METTL15: variants seen among roughly 807,000 people sequenced by gnomAD.
The protein encoded by METTL15 is methyltransferase 15, mitochondrial 12S rRNA N4-cytidine, also known as 12S rRNA N(4)-cytidine methyltransferase METTL15.
A neutral mutation model predicts 38.3 loss-of-function variants in METTL15; 34 were observed. The ratio of observed to expected loss-of-function variants is 0.89; its 90% CI spans 0.68 to 1.18. METTL15 has a LOEUF of 1.18. Among genes scored for constraint, METTL15 ranks in the 50% most tolerant of loss-of-function variants. The pLI is 0.00. For missense variants in METTL15, 438 were observed against 498.4 expected (o/e 0.88, Z 1.15); for synonymous variants, 162 against 170.9 (o/e 0.95, Z 0.41).
At chr11:28,305,785 A>G (rs539811601) in intron 6 of METTL15, among the ~76,000 whole-genome samples, 1 of 152,220 alleles carries the variant, frequency 6.6e-6, no homozygotes, top group African/African-American at 2.4e-5. Context: ...GAGAGGTTAG[A>G]CTTAATGAAG....
intron 3 of METTL15, among the ~76,000 whole-genome samples, chr11:28,183,606 G>A (rs1484224370): frequency 6.6e-6 from 1 of 152,070 alleles, no homozygotes. Flanking sequence ...CAGGGATGAA[G>A]CCGACTTGAT....
At chr11:28,343,281 C>G (rs1023169685) in intron 3 of METTL15, among the ~76,000 whole-genome samples, 2 of 151,036 alleles carry the variant, frequency 1.3e-5, no homozygotes, top group African/African-American at 4.9e-5. Context: ...TATCTTTGTT[C>G]CTTAGAAGAA....
downstream of METTL15, among the ~76,000 whole-genome samples, chr11:28,338,178 C>A (rs762855031): frequency 1.3e-5 from 2 of 151,886 alleles, no homozygotes; most frequent in African/African-American, 2.4e-5. Context: ...CCTCAGCCTG[C>A]AAACATCTTC....
intron 5 of METTL15, among the ~76,000 whole-genome samples, chr11:28,422,723 G>A (rs1198657360): frequency 6.6e-6 from 1 of 151,882 alleles, no homozygotes; most frequent in Non-Finnish European, 1.5e-5. Context: ...TTAAATCTAA[G>A]ACCACAAACT....
At position 28,525,834 on chromosome 11, in the gene METTL15, G is replaced by A. The variant is rs11030365; in HGVS notation, c.*425-644G>A. 2.2e-3 allele frequency among the ~76,000 whole-genome samples: 335 copies of A among 152,384 alleles called. 2 individuals are homozygous for A. Among genetic ancestry groups the A allele is most frequent in the African/African-American group, 7.0e-3 (290 of 41,600 alleles). On this transcript the variant is annotated intron_variant and NMD_transcript_variant, in intron 6 of 7. Transcript: ENST00000532947. ...CTTTGGGTGGTGGATGGGACTGGGC[G>A]CTGTGGAGCAGGGGGCGGCGCTTGT... is the stretch of plus-strand genomic sequence containing the variant.
chr11:28,253,763 C>T (rs1484244441), intron 4 of METTL15, among the ~76,000 whole-genome samples: 1 of 152,016 alleles, frequency 6.6e-6, no homozygotes, highest in African/African-American at 2.4e-5. Flanking sequence ...TTTCAGTTAA[C>T]ATAATGACCT....
chr11:28,383,957 C>T (rs906271680), intron 5 of METTL15, among the ~76,000 whole-genome samples: 4 of 152,072 alleles, frequency 2.6e-5, no homozygotes, highest in African/African-American at 9.7e-5. Context: ...GATTCTCTCT[C>T]TTATCCCTCC....
intron 6 of METTL15, among the ~76,000 whole-genome samples, chr11:28,476,412 G>T (rs1434705335): frequency 6.6e-6 from 1 of 152,158 alleles, no homozygotes. Flanking sequence ...ACTCTAACAA[G>T]ACCACCAGAA....
intron 4 of METTL15, among the ~76,000 whole-genome samples, chr11:28,277,430 G>A (rs1855885431): frequency 6.6e-6 from 1 of 152,140 alleles, no homozygotes; most frequent in African/African-American, 2.4e-5. Context: ...AGTCATGGTG[G>A]CTTACACCTG....
chr11:28,134,358 A>C (rs139014273), intron 3 of METTL15, among the ~76,000 whole-genome samples: 3 of 152,282 alleles, frequency 2.0e-5, no homozygotes, highest in Non-Finnish European at 4.4e-5. Context: ...TAAAGCGCAA[A>C]TTCCTGGTAG....
intron 6 of METTL15, among the ~76,000 whole-genome samples, chr11:28,317,413 A>C (rs1408356578): frequency 6.6e-6 from 1 of 152,156 alleles, no homozygotes; most frequent in East Asian, 1.9e-4. Context: ...GAGACTTATT[A>C]AATGTGATGG....
intron 3 of METTL15, among the ~76,000 whole-genome samples, chr11:28,198,091 G>T (rs1346693229): frequency 1.3e-5 from 2 of 152,044 alleles, no homozygotes; most frequent in African/African-American, 2.4e-5. Context: ...GTTCATTGGT[G>T]TTTGTCCAGT....
At chr11:28,130,204 G>A (rs1010013718) in intron 3 of METTL15, among the ~76,000 whole-genome samples, 4 of 151,992 alleles carry the variant, frequency 2.6e-5, no homozygotes, top group African/African-American at 9.7e-5. Context: ...CCAGTTATTC[G>A]AGAGGCTGAG....
At chr11:28,213,588 C>G (rs1416889593) in intron 4 of METTL15, among the ~76,000 whole-genome samples, 2 of 147,210 alleles carry the variant, frequency 1.4e-5, no homozygotes, top group Non-Finnish European at 3.0e-5. Context: ...CTGACCCTGA[C>G]CAAATGGATT....
intron 3 of METTL15, among the ~76,000 whole-genome samples, chr11:28,151,007 A>C (rs74841590): frequency 1.8e-5 from 1 of 55,216 alleles, no homozygotes; most frequent in East Asian, 6.5e-4. Context: ...AACAGTGACC[A>C]AAAAAAAAAA....
intron 4 of METTL15, among the ~76,000 whole-genome samples, chr11:28,238,392 G>A (rs921242511): frequency 8.5e-5 from 13 of 152,184 alleles, no homozygotes; most frequent in Admixed American, 7.2e-4. Context: ...GACTCCGTGG[G>A]CTTAGGACCC....
At chr11:28,314,123 A>G (rs1433406655) in intron 6 of METTL15, among the ~76,000 whole-genome samples, 1 of 152,240 alleles carries the variant, frequency 6.6e-6, no homozygotes, top group African/African-American at 2.4e-5. Flanking sequence ...ATTGGACATC[A>G]GAGAATTGTA....
intron 4 of METTL15, among the ~76,000 whole-genome samples, chr11:28,224,320 C>G (rs1264459732): frequency 6.6e-6 from 1 of 151,808 alleles, no homozygotes; most frequent in Admixed American, 6.6e-5. Flanking sequence ...TGCATAACTG[C>G]ATTTTAAAGA....
chr11:28,338,515 C>T (rs562100342), intron 3 of METTL15, among the ~76,000 whole-genome samples: 2 of 152,126 alleles, frequency 1.3e-5, no homozygotes, highest in South Asian at 2.1e-4. Flanking sequence ...GATTCTTTCA[C>T]GGAATCATCT....
Sources: gnomAD v4.1 joint callset for allele counts (sites outside exome capture counted in the v4.1 genomes callset) on GRCh38, gnomAD v4.1.1 for gene constraint, MANE v1.5 for transcripts, NCBI Gene and HGNC (gene_info 2026-07-23, HGNC 2026-07-21) for gene names.